The following PMS1 variants were observed in gnomAD, a reference collection of about 807,000 sequenced individuals.
PMS1 encodes PMS1 protein homolog 1.
A neutral mutation model predicts 93.1 loss-of-function variants in PMS1; 79 were observed. The ratio of observed to expected loss-of-function variants is 0.85; its 90% CI spans 0.71 to 1.02. PMS1 has a LOEUF of 1.02. Among genes scored for constraint, PMS1 ranks in the 50% least tolerant of loss-of-function variants. The pLI is 0.00. For synonymous variants in PMS1, 335 were observed against 363.4 expected (o/e 0.92, Z 0.89); for missense variants, 1,064 against 1,085.3 (o/e 0.98, Z 0.28).
At chr2:189,858,666 T>C (rs2055622336) in intron 9 of PMS1, among the ~76,000 whole-genome samples, 1 of 152,162 alleles carries the variant, frequency 6.6e-6, no homozygotes, top group Non-Finnish European at 1.5e-5. Flanking sequence ...TTTGAATGTC[T>C]AAGAGCTAAA....
At chr2:189,796,375 T>C (rs946508388) in intron 3 of PMS1, among the ~76,000 whole-genome samples, 2 of 152,054 alleles carry the variant, frequency 1.3e-5, no homozygotes, top group African/African-American at 4.8e-5. Context: ...AATATATATA[T>C]ACATAACATA....
chr2:189,877,115 C>T (rs1053355853), intron 12 of PMS1, among the ~76,000 whole-genome samples, 157 bp from the exon 13 acceptor site: 2 of 152,136 alleles, frequency 1.3e-5, no homozygotes, highest in Non-Finnish European at 2.9e-5. Flanking sequence ...ACCACTACAT[C>T]CCGAGAGCTG....
intron 5 of PMS1, 33 bp from the exon 6 acceptor site, chr2:189,843,931 A>G (rs948400483): frequency 1.3e-6 from 2 of 1,561,636 alleles, no homozygotes; most frequent in Non-Finnish European, 1.8e-6. Context: ...TCTAAATTGT[A>G]TTAAAAGTTA....
At chr2:189,815,795 TTTAAG>T (rs2051246492) in intron 4 of PMS1, among the ~76,000 whole-genome samples, 2 of 152,354 alleles carry the variant, frequency 1.3e-5, no homozygotes, top group African/African-American at 2.4e-5. Flanking sequence ...TGAATCTTTA[TTTAAG>T]TTATGTTGCA....
intron 1 of PMS1, 158 bp from the exon 2 acceptor site, chr2:189,791,632 G>T: frequency 1.8e-6 from 1 of 554,592 alleles, no homozygotes; most frequent in Non-Finnish European, 3.2e-6. Flanking sequence ...AAAAAAAGAA[G>T]AAATAGAAGA....
chr2:189,855,621 T>C (rs899070882), intron 9 of PMS1, among the ~76,000 whole-genome samples: 3 of 152,040 alleles, frequency 2.0e-5, no homozygotes, highest in Non-Finnish European at 4.4e-5. Flanking sequence ...TTTAGTGTTG[T>C]TCATTTATAC....
intron 5 of PMS1, among the ~76,000 whole-genome samples, chr2:189,826,079 T>C (rs2052402531): frequency 6.6e-6 from 1 of 152,180 alleles, no homozygotes; most frequent in Admixed American, 6.5e-5. Flanking sequence ...CCTGCACTCA[T>C]GATATTCTCC....
chr2:189,806,847 G>A (rs1487595669), intron 4 of PMS1: 3 of 211,504 alleles, frequency 1.4e-5, no homozygotes. Flanking sequence ...TACCTCTTTA[G>A]AGTCATGTTC....
At position 189,817,925 on chromosome 2, in the gene PMS1, A is replaced by G. The variant is rs5743042; in HGVS notation, c.419-92A>G. ...GAATTGGAGGAGGAGACCTTCAGTT[A>G]TAGAAGGGGTTAATTACAAATTGTA... On this transcript the variant is annotated intron_variant, in intron 4 of 12. Coordinates refer to ENST00000441310, the MANE Select transcript of PMS1 (RefSeq NM_000534.5). 8.4e-3 allele frequency: 8,027 copies of G among 955,896 alleles called. 424 individuals are homozygous for G. In the African/African-American group the frequency reaches 0.11, roughly 14 times the overall value. 59.2% of individuals were successfully genotyped at this position (955,896 alleles called of 1,614,324 possible). A position where few individuals can be genotyped will look rare whatever the true frequency, so the allele number is the denominator to read the frequency against.
chr2:189,804,821 T>A lies in PMS1; in HGVS notation c.316-831T>A, dbSNP rs1425731599. On this transcript the variant is annotated intron_variant, in intron 3 of 12. Coordinates refer to ENST00000441310, the MANE Select transcript of PMS1 (RefSeq NM_000534.5). The stretch of plus-strand genomic sequence containing the variant: ...ATTACTCCCAATTTTGGGTCATCAT[T>A]GGCTCACCAGACATGTGAGGAGGCT... 2.0e-5 allele frequency among the ~76,000 whole-genome samples: 3 copies of A among 152,184 alleles called. No individual in the cohort carries two copies. The East Asian group carries it at 5.8e-4, about 29-fold the overall frequency.
In PMS1 at chr2:189,854,598, T is replaced by TA; in HGVS notation, c.1328dup (p.Asn443LysfsTer12). The TA allele has an allele frequency of 6.2e-7, 1 of 1,613,394 alleles. No homozygotes were observed. The highest frequency in any genetic ancestry group is 8.5e-7 in the Non-Finnish European group (1 of 1,179,422). ...ATGCATTTCAGGACATTTCAATGAG[T>TA]AATGTATCATGGGAGAACTCTCAGA... On this transcript the variant is annotated frameshift_variant, in exon 9 of 13. Coordinates refer to ENST00000441310, the MANE Select transcript of PMS1 (RefSeq NM_000534.5). LOFTEE classifies it high-confidence loss of function.
Position 189,818,176 on chromosome 2 carries a change from A to G in PMS1, c.578A>G (p.Asn193Ser), listed in dbSNP as rs776771191. 30 of 1,569,744 alleles carry G rather than the reference A, an allele frequency of 1.9e-5. 1 individual carries two copies. The South Asian group carries it at 3.3e-4, about 17-fold the overall frequency. The stretch of plus-strand genomic sequence containing the variant: ...GACTTAAGGATTGTCTTTGTACATA[A>G]CAAGGTAAACATTATTTTATCTTTA... ...KPDLRIVFVH[N>S]KAVIWQKSRV... The change falls in exon 5 of 13, where the codon AAC becomes AGC. Residue 193 changes from asparagine to serine, a missense_variant. Transcript: ENST00000441310.
intron 9 of PMS1, among the ~76,000 whole-genome samples, chr2:189,858,483 G>A (rs761538812): frequency 4.6e-5 from 7 of 152,110 alleles, no homozygotes; most frequent in Non-Finnish European, 1.0e-4. Context: ...TTGACATTAA[G>A]TACAACAGTA....
chr2:189,855,121 A>G lies in PMS1; in HGVS notation c.1849A>G (p.Lys617Glu). The G allele has an allele frequency of 6.2e-7, 1 of 1,612,668 alleles. No individual in the cohort carries two copies. Among genetic ancestry groups the G allele is most frequent in the Non-Finnish European group, 8.5e-7 (1 of 1,179,056 alleles). ...GTGGAAGACATTGAGTGAAGAGGAAAAACTGAAGTAAGTTTCCAGAGCTTG... is the reference window on the plus strand; with the variant it reads ...GTGGAAGACATTGAGTGAAGAGGAAGAACTGAAGTAAGTTTCCAGAGCTTG... ...ELWKTLSEEE[K>E]LKYEEKATKD... Residue 617 changes from lysine (K) to glutamate (E), a missense_variant, in exon 9 of 13, where the codon AAA (lysine) becomes GAA (glutamate). By Grantham distance (56) the Lys-to-Glu change is moderately conservative (BLOSUM62 1). Coordinates refer to ENST00000441310, the MANE Select transcript of PMS1 (RefSeq NM_000534.5).
In PMS1 at chr2:189,848,551, C is replaced by T. The variant is rs542763391; in HGVS notation, c.700-4104C>T. On this transcript the variant is annotated intron_variant, in intron 6 of 12. Coordinates refer to ENST00000441310, the MANE Select transcript of PMS1 (RefSeq NM_000534.5). The stretch of plus-strand genomic sequence containing the variant: ...CCATTGAATTTTTATTTTCAATGGG[C>T]AAGCACAGATAGAATTGCATAAAGA... Among the ~76,000 whole-genome samples the T allele has an allele frequency of 4.0e-4, 61 of 152,220 alleles. No individual in the cohort carries two copies. In the South Asian group the frequency reaches 0.011, roughly 27 times the overall value.
At position 189,863,292 on chromosome 2, in the gene PMS1, C is replaced by G. The variant is rs1422039656; in HGVS notation, c.1857-451C>G. ...TTTTTGAGACAGAGTCTTGCTCTGTCGCCCAGGCTGGAGTGCAGTGGCACG... is the reference window on the plus strand; with the variant it reads ...TTTTTGAGACAGAGTCTTGCTCTGTGGCCCAGGCTGGAGTGCAGTGGCACG... On this transcript the variant is annotated intron_variant, in intron 9 of 12. Transcript: ENST00000441310. Among the ~76,000 whole-genome samples, 4 of 142,946 alleles carry G rather than the reference C, an allele frequency of 2.8e-5. No homozygotes were observed. The South Asian group carries it at 8.8e-4, about 31-fold the overall frequency. The allele number at this position is 142,946 out of a possible 152,430, so 93.8% of individuals were successfully genotyped here.
intron 5 of PMS1, among the ~76,000 whole-genome samples, chr2:189,821,589 A>C (rs2051890951): frequency 6.6e-6 from 1 of 152,160 alleles, no homozygotes; most frequent in Non-Finnish European, 1.5e-5. Flanking sequence ...TGGGTGGATC[A>C]CCTGAGGTCA....
intron 11 of PMS1, among the ~76,000 whole-genome samples, chr2:189,872,154 C>T (rs2057206637): frequency 6.6e-6 from 1 of 152,146 alleles, no homozygotes; most frequent in East Asian, 1.9e-4. Flanking sequence ...ACCATAGCAT[C>T]TCACTTCATT....
intron 5 of PMS1, among the ~76,000 whole-genome samples, chr2:189,837,477 T>A (rs1334981399): frequency 6.6e-6 from 1 of 152,218 alleles, no homozygotes; most frequent in Non-Finnish European, 1.5e-5. Context: ...TTTCCTGTAA[T>A]TGCAGATTAT....
Sources: allele counts gnomAD v4.1 joint callset (sites outside exome capture counted in the v4.1 genomes callset), GRCh38; gene constraint gnomAD v4.1.1; transcripts MANE v1.5; gene names NCBI Gene and HGNC (gene_info 2026-07-23, HGNC 2026-07-21).